The following ATP5MG variants were observed in gnomAD, a reference collection of about 807,000 sequenced individuals.
The protein encoded by ATP5MG is ATP synthase F(0) complex subunit g, mitochondrial.
ATP5MG carries 7 observed loss-of-function variants against 12.7 expected under a neutral mutation model. The ratio of observed to expected loss-of-function variants is 0.55; its 90% CI spans 0.31 to 1.04. The LOEUF is 1.04. Ranked by LOEUF, ATP5MG falls within the 50% of genes least tolerant of loss-of-function variation. The probability of loss-of-function intolerance (pLI) is 0.05; values close to 1 mark genes in which losing one functional copy is unlikely to be tolerated. For missense variants in ATP5MG, 116 were observed against 126.7 expected (o/e 0.92, Z 0.41); for synonymous variants, 53 against 48.2 (o/e 1.10, Z -0.41).
In ATP5MG at chr11:118,407,010, C is replaced by G; in HGVS notation, c.126C>G (p.Thr42=). ...CCAAGGTTGAGCTGGTTCCTCCCAC[C>G]CCTGCTGAGATCCCTAGAGCTATTC... ...YYAKVELVPP[T]PAEIPRAIQS... The change falls in exon 2 of 3, where the codon ACC becomes ACG. Residue 42 remains threonine (T), a synonymous_variant. Transcript: ENST00000300688. The G allele has an allele frequency of 6.2e-7, 1 of 1,614,034 alleles. No individual in the cohort carries two copies. The highest frequency in any genetic ancestry group is 8.5e-7 in the Non-Finnish European group (1 of 1,179,980).
intron 2 of ATP5MG, chr11:118,407,431 G>A (rs372989210): frequency 4.7e-6 from 1 of 211,418 alleles, no homozygotes. Flanking sequence ...TTTTCATCTG[G>A]AGTCCTGAGA....
At chr11:118,401,828 G>A in intron 1 of ATP5MG, 111 bp downstream of exon 1, 1 of 1,333,418 alleles carries the variant, frequency 7.5e-7, no homozygotes, top group Non-Finnish European at 1.0e-6. Flanking sequence ...CGGGTGCCGG[G>A]GCGGGATGGC....
chr11:118,405,335 T>G (rs1948963464), intron 1 of ATP5MG, among the ~76,000 whole-genome samples: 1 of 152,216 alleles, frequency 6.6e-6, no homozygotes, highest in Non-Finnish European at 1.5e-5. Context: ...AAGCTAAACC[T>G]GAGTCCAACT....
intron 1 of ATP5MG, chr11:118,405,639 T>TA: frequency 5.1e-6 from 5 of 985,174 alleles, no homozygotes; most frequent in Non-Finnish European, 6.0e-6. Context: ...GCTTTTTTTT[T>TA]ATTGTCCCAT....
intron 2 of ATP5MG, among the ~76,000 whole-genome samples, chr11:118,408,224 A>G (rs782123754): frequency 6.6e-6 from 1 of 152,226 alleles, no homozygotes; most frequent in Non-Finnish European, 1.5e-5. Context: ...ATCCAAGCAC[A>G]GAGTACAAAA....
At chr11:118,405,144 G>A (rs1446488275) in intron 1 of ATP5MG, among the ~76,000 whole-genome samples, 2 of 152,170 alleles carry the variant, frequency 1.3e-5, no homozygotes, top group African/African-American at 4.8e-5. Context: ...TAAGGTCTGG[G>A]TGCTGTTTAT....
chr11:118,406,984 G>A lies in ATP5MG; in HGVS notation c.100G>A (p.Ala34Thr), dbSNP rs533476820. Reference protein sequence around the residue: ...KPRLATFWYYAKVELVPPTPA... With the variant: ...KPRLATFWYYTKVELVPPTPA... ...TCGATTGGCCACATTTTGGTACTACGCCAAGGTTGAGCTGGTTCCTCCCAC... is the reference window on the plus strand; with the variant it reads ...TCGATTGGCCACATTTTGGTACTACACCAAGGTTGAGCTGGTTCCTCCCAC... Residue 34 changes from alanine (A) to threonine (T), a missense_variant, in exon 2 of 3, where the codon GCC becomes ACC. Ala to Thr is a moderately conservative substitution (Grantham distance 58). Transcript: ENST00000300688. 1.5e-5 allele frequency: 25 copies of A among 1,613,468 alleles called. No individual in the cohort carries two copies. Among genetic ancestry groups the A allele is most frequent in the Non-Finnish European group, 1.9e-5 (23 of 1,179,724 alleles).
Position 118,409,163 on chromosome 11 carries a change from TC to T in ATP5MG, c.*66del. 9.0e-7 allele frequency: 1 copy of T among 1,109,452 alleles called. No homozygotes were observed. The highest frequency in any genetic ancestry group is 1.3e-6 in the Non-Finnish European group (1 of 780,158). 68.7% of individuals were successfully genotyped at this position (1,109,452 alleles called of 1,614,324 possible). The stretch of plus-strand genomic sequence containing the variant: ...TTGAGTGTTGTTGGACCATGTGTGA[TC>T]AGACTGCTATCTGAATAAAATAAGA... On this transcript the variant is annotated 3_prime_UTR_variant, in exon 3 of 3. Coordinates refer to ENST00000300688, the MANE Select transcript of ATP5MG (RefSeq NM_006476.5).
chr11:118,406,899 C>A, intron 1 of ATP5MG, 38 bp from the exon 2 acceptor site: 1 of 1,554,592 alleles, frequency 6.4e-7, no homozygotes, highest in South Asian at 1.2e-5. Context: ...CTAGTGAGTT[C>A]ATCCTGGTTT....
intron 1 of ATP5MG, among the ~76,000 whole-genome samples, chr11:118,404,331 A>G (rs1948954926): frequency 1.3e-5 from 2 of 152,110 alleles, no homozygotes; most frequent in Admixed American, 1.3e-4. Flanking sequence ...TAGTTTTTCC[A>G]ATAATCTTTC....
chr11:118,406,542 C>G (rs1948973087), intron 1 of ATP5MG: 1 of 198,324 alleles, frequency 5.0e-6, no homozygotes, highest in African/African-American at 2.3e-5. Flanking sequence ...TCACCTCTTT[C>G]TTCAAATTTG....
intron 1 of ATP5MG, among the ~76,000 whole-genome samples, chr11:118,405,316 G>A (rs1249191836): frequency 1.6e-4 from 24 of 152,088 alleles, no homozygotes; most frequent in African/African-American, 5.8e-4. Flanking sequence ...GTCAGTCTGT[G>A]TATATATTAA....
chr11:118,409,088 A>G lies in ATP5MG; in HGVS notation c.302A>G (p.Tyr101Cys). The change falls in exon 3 of 3, where the codon TAT (tyrosine) becomes TGT (cysteine). Residue 101 changes from tyrosine (Y) to cysteine (C), a missense_variant. Tyr to Cys is a radical substitution (Grantham distance 194). Transcript: ENST00000300688. Reference protein sequence around the residue: ...EIIGKRGIIGYDV With the variant: ...EIIGKRGIIGCDV ...ATAGGCAAGCGGGGCATCATTGGCTATGATGTTTGAAGACCAATCTTTAAC... is the reference window on the plus strand; with the variant it reads ...ATAGGCAAGCGGGGCATCATTGGCTGTGATGTTTGAAGACCAATCTTTAAC... The G allele has an allele frequency of 6.2e-7, 1 of 1,606,676 alleles. No individual in the cohort carries two copies. Among genetic ancestry groups the G allele is most frequent in the Non-Finnish European group, 8.5e-7 (1 of 1,176,042 alleles).
At chr11:118,403,089 T>C (rs1948942890) in intron 1 of ATP5MG, among the ~76,000 whole-genome samples, 1 of 152,240 alleles carries the variant, frequency 6.6e-6, no homozygotes, top group Admixed American at 6.5e-5. Flanking sequence ...CACAGCCTAC[T>C]AGTGAAACAT....
At chr11:118,406,526 C>T (rs562605766) in intron 1 of ATP5MG, 20 of 196,714 alleles carry the variant, frequency 1.0e-4, no homozygotes, top group African/African-American at 4.4e-4. Context: ...TCCTTCATCC[C>T]TTTCTTCACC....
chr11:118,401,763 G>A, intron 1 of ATP5MG, 46 bp downstream of exon 1: 1 of 1,601,114 alleles, frequency 6.2e-7, no homozygotes, highest in Non-Finnish European at 8.5e-7. Flanking sequence ...GGGCGGCAGG[G>A]AGGCCTGCGA....
At chr11:118,404,574 G>C (rs1948956609) in intron 1 of ATP5MG, among the ~76,000 whole-genome samples, 2 of 152,216 alleles carry the variant, frequency 1.3e-5, no homozygotes, top group South Asian at 4.1e-4. Flanking sequence ...TGCTTAGTTT[G>C]GCACTATGGA....
At chr11:118,408,059 G>A (rs1555132422) in intron 2 of ATP5MG, among the ~76,000 whole-genome samples, 2 of 152,190 alleles carry the variant, frequency 1.3e-5, no homozygotes, top group Non-Finnish European at 2.9e-5. Flanking sequence ...CTACTTGGGA[G>A]GCTGAGGCAG....
rs1555132205 is a variant in ATP5MG, at chr11:118,406,986, C to T, written c.102C>T (p.Ala34=). 3 of 1,613,742 alleles carry T rather than the reference C, an allele frequency of 1.9e-6. No individual in the cohort carries two copies. The highest frequency in any genetic ancestry group is 3.3e-5 in the Admixed American group (2 of 59,964). ...GATTGGCCACATTTTGGTACTACGC[C>T]AAGGTTGAGCTGGTTCCTCCCACCC... is the stretch of plus-strand genomic sequence containing the variant. ...KPRLATFWYY[A]KVELVPPTPA... The change falls in exon 2 of 3, where the codon GCC becomes GCT. Residue 34 remains alanine (A), a synonymous_variant. Coordinates refer to ENST00000300688, the MANE Select transcript of ATP5MG (RefSeq NM_006476.5).
Sources: allele counts gnomAD v4.1 joint callset (sites outside exome capture counted in the v4.1 genomes callset), GRCh38; gene constraint gnomAD v4.1.1; transcripts MANE v1.5; gene names NCBI Gene and HGNC (gene_info 2026-07-23, HGNC 2026-07-21).